Variants in DLG5 observed in about 807,000 individuals in gnomAD.
DLG5 encodes disks large homolog 5.
In DLG5, 48 loss-of-function variants were observed where a neutral mutation model predicts 189.8. That is an observed-to-expected ratio of 0.25 (90% CI 0.20 to 0.32). DLG5 has a LOEUF of 0.32. DLG5 is among the 10% of genes least tolerant of loss of function. The probability of loss-of-function intolerance (pLI) is 1.00; values close to 1 mark genes in which losing one functional copy is unlikely to be tolerated. For synonymous variants in DLG5, 1,016 were observed against 1,054.1 expected (o/e 0.96, Z 0.70); for missense variants, 2,160 against 2,544.7 (o/e 0.85, Z 3.25).
intron 8 of DLG5, among the ~76,000 whole-genome samples, chr10:77,835,412 A>G (rs1022408199): frequency 1.3e-5 from 2 of 152,188 alleles, no homozygotes; most frequent in Admixed American, 1.3e-4. Flanking sequence ...AATACTGCTG[A>G]AAGGACACAC....
In DLG5 at chr10:77,796,390, G is replaced by A. The variant is rs763096636; in HGVS notation, c.5308+61C>T. The stretch of plus-strand genomic sequence containing the variant: ...CCACTGTGCACAGCTGGGCAGGCAG[G>A]TGGACAGGGACATAGAGACAAAGAG... On this transcript the variant is annotated intron_variant, in intron 28 of 31. Coordinates refer to ENST00000372391, the MANE Select transcript of DLG5 (RefSeq NM_004747.4). This position sits in a 1 kb window ranked among gnomAD's most constrained non-coding sequence, Gnocchi z 5.2. The A allele has an allele frequency of 1.2e-5, 19 of 1,612,650 alleles. No individual in the cohort carries two copies. Among genetic ancestry groups the A allele is most frequent in the East Asian group, 2.2e-5 (1 of 44,880 alleles).
intron 1 of DLG5, among the ~76,000 whole-genome samples, chr10:77,883,529 G>A (rs1381987871): frequency 6.6e-6 from 1 of 151,962 alleles, no homozygotes. Flanking sequence ...TGCAGGATGT[G>A]AGTGACAAGC....
the DLG5 span, among the ~76,000 whole-genome samples, chr10:77,932,867 A>C: frequency 6.6e-6 from 1 of 152,134 alleles, no homozygotes; most frequent in Admixed American, 6.5e-5. Context: ...TGCTCAGGTG[A>C]CTGAGGAGGA....
intron 9 of DLG5, among the ~76,000 whole-genome samples, chr10:77,833,385 T>C (rs1842968116): frequency 6.6e-6 from 1 of 152,236 alleles, no homozygotes. Flanking sequence ...CTTACTCATT[T>C]ACGTACTTGT....
chr10:77,838,175 C>A (rs984484128), intron 7 of DLG5, among the ~76,000 whole-genome samples: 9 of 152,208 alleles, frequency 5.9e-5, no homozygotes, highest in Non-Finnish European at 1.3e-4. Context: ...CCTGTAGCTG[C>A]ATGTGTAACT....
chr10:77,920,793 G>A (rs1564598347), intron 1 of DLG5, among the ~76,000 whole-genome samples: 1 of 152,156 alleles, frequency 6.6e-6, no homozygotes, highest in African/African-American at 2.4e-5. Context: ...CAGACCCGTG[G>A]GAAAAGCCCA....
At chr10:77,820,822 GCTT>G (rs1056413606) in intron 15 of DLG5, 25 of 508,312 alleles carry the variant, frequency 4.9e-5, no homozygotes, top group Non-Finnish European at 8.6e-5. Flanking sequence ...AAGTTCAAAA[GCTT>G]CTTATTAAAA....
chr10:77,914,164 AT>A (rs1197438404), intron 1 of DLG5, among the ~76,000 whole-genome samples: 1 of 152,202 alleles, frequency 6.6e-6, no homozygotes, highest in African/African-American at 2.4e-5. Flanking sequence ...CTCCTTAAAA[AT>A]GTGGGCTTCA....
rs780010962 is a variant in DLG5 at position 77,792,453 on chromosome 10, G to A, written c.5747C>T (p.Ala1916Val). 3.6e-5 allele frequency: 58 copies of A among 1,614,100 alleles called. No individual in the cohort carries two copies. Among genetic ancestry groups the A allele is most frequent in the Non-Finnish European group, 4.7e-5 (56 of 1,180,046 alleles). Residue 1916 changes from alanine to valine, a missense_variant, in exon 32 of 32, where the codon GCC becomes GTC. Ala to Val is a moderately conservative substitution (Grantham distance 64). Coordinates refer to ENST00000372391, the MANE Select transcript of DLG5 (RefSeq NM_004747.4). Reference sequence around the variant, plus strand: ...CACAGCATTCTCCTAGAGCGGGCAGGCTGGAATCCACAGGACTTTATTTTG... The same window carrying A: ...CACAGCATTCTCCTAGAGCGGGCAGACTGGAATCCACAGGACTTTATTTTG... The part of the protein sequence containing the change: ...QEQNKVLWIP[A>V]CPL
intron 5 of DLG5, among the ~76,000 whole-genome samples, chr10:77,849,718 C>T (rs1211161042): frequency 2.6e-5 from 4 of 152,140 alleles, no homozygotes; most frequent in Non-Finnish European, 5.9e-5. Context: ...CCCTGTGAGG[C>T]AGACAGGAAA....
In DLG5 at chr10:77,812,338, C is replaced by T. The variant is rs1233276129; in HGVS notation, c.4065G>A (p.Lys1355=). 1.2e-6 allele frequency: 2 copies of T among 1,613,888 alleles called. No individual in the cohort carries two copies. Among genetic ancestry groups the T allele is most frequent in the Admixed American group, 1.7e-5 (1 of 60,022 alleles). ...TGGAGATGCCCAGCGGCTCTGAGCC[C>T]TTCTGCACCTTCACGTGGCGTGGCT... The part of the protein sequence containing the change: ...VEEPRHVKVQ[K]GSEPLGISIV... Residue 1355 remains lysine, a synonymous_variant, in exon 21 of 32, where the codon AAG becomes AAA. Coordinates refer to ENST00000372391, the MANE Select transcript of DLG5 (RefSeq NM_004747.4).
chr10:77,868,801 C>G (rs1844788544), intron 2 of DLG5: 1 of 364,490 alleles, frequency 2.7e-6, no homozygotes, highest in Admixed American at 4.7e-5. Context: ...AGGGGTGAGT[C>G]TCCTGGGCAG....
At chr10:77,850,444 C>T (rs1229989192) in intron 5 of DLG5, among the ~76,000 whole-genome samples, 1 of 152,186 alleles carries the variant, frequency 6.6e-6, no homozygotes, top group Non-Finnish European at 1.5e-5. Context: ...ATCCATTCAT[C>T]GGTCAGTAGA....
chr10:77,875,368 A>G (rs1463947950), intron 1 of DLG5, among the ~76,000 whole-genome samples: 3 of 152,196 alleles, frequency 2.0e-5, no homozygotes, highest in Admixed American at 2.0e-4. Context: ...AAGAAGTCTC[A>G]GAGCAGGGCT....
chr10:77,795,507 C>T (rs1252967382), intron 29 of DLG5, among the ~76,000 whole-genome samples: 1 of 152,104 alleles, frequency 6.6e-6, no homozygotes. Context: ...CAAAGCCCAG[C>T]GAGCGAGCTG....
At chr10:77,874,048 C>T (rs964193562) in intron 1 of DLG5, among the ~76,000 whole-genome samples, 1 of 152,230 alleles carries the variant, frequency 6.6e-6, no homozygotes, top group Non-Finnish European at 1.5e-5. Context: ...GGTGCCCAAT[C>T]GCTCCCGGAC....
chr10:77,793,143 A>G (rs1840722829), intron 31 of DLG5: 1 of 152,370 alleles, frequency 6.6e-6, no homozygotes, highest in Non-Finnish European at 1.5e-5. Flanking sequence ...GTTGAATCTA[A>G]CAAGAAAAAA....
chr10:77,839,616 T>G (rs1354769869), intron 7 of DLG5, among the ~76,000 whole-genome samples: 2 of 152,220 alleles, frequency 1.3e-5, no homozygotes, highest in Non-Finnish European at 2.9e-5. Flanking sequence ...ACTGACTCGG[T>G]CATTTTCCAA....
chr10:77,810,378 C>T (rs938295371), intron 23 of DLG5, among the ~76,000 whole-genome samples: 5 of 152,202 alleles, frequency 3.3e-5, no homozygotes, highest in African/African-American at 1.2e-4. Context: ...CAGAGCTGGC[C>T]TCATTCTGTG....
Sources: allele counts gnomAD v4.1 joint callset (sites outside exome capture counted in the v4.1 genomes callset), GRCh38; gene constraint gnomAD v4.1.1; non-coding constraint Gnocchi (gnomAD v3.1); transcripts MANE v1.5; gene names NCBI Gene and HGNC (gene_info 2026-07-23, HGNC 2026-07-21).